VWA3B: variants seen among roughly 807,000 people sequenced by gnomAD.
The protein encoded by VWA3B is von Willebrand factor A domain containing 3B.
A neutral mutation model predicts 158.3 loss-of-function variants in VWA3B; 138 were observed. That is an observed-to-expected ratio of 0.87 (90% CI 0.76 to 1.00). VWA3B has a LOEUF of 1.00. Ranked by LOEUF, VWA3B falls within the 50% of genes least tolerant of loss-of-function variation. VWA3B has a pLI of 0.00. For synonymous variants in VWA3B, 596 were observed against 587.3 expected (o/e 1.01, Z -0.21); for missense variants, 1,555 against 1,565.1 (o/e 0.99, Z 0.11).
At chr2:98,096,960 A>G (rs1682759011) in intron 2 of VWA3B, among the ~76,000 whole-genome samples, 1 of 152,056 alleles carries the variant, frequency 6.6e-6, no homozygotes, top group Non-Finnish European at 1.5e-5. Context: ...TTTGAGATAT[A>G]TTTGAGATAT....
chr2:98,316,966 C>T (rs532988597), downstream of VWA3B, among the ~76,000 whole-genome samples: 20 of 152,298 alleles, frequency 1.3e-4, no homozygotes, highest in African/African-American at 4.6e-4. Flanking sequence ...AATTAAACCT[C>T]TTTTCTTTAT....
At chr2:98,121,729 C>T (rs114085316) in intron 5 of VWA3B, among the ~76,000 whole-genome samples, 1,553 of 151,980 alleles carry the variant, frequency 0.01, 40 homozygotes, top group African/African-American at 0.036. Context: ...TCGGGAGAGC[C>T]GAGTGCGACT....
At chr2:98,186,966 C>T (rs1049696930) in intron 9 of VWA3B, among the ~76,000 whole-genome samples, 2 of 151,952 alleles carry the variant, frequency 1.3e-5, no homozygotes, top group Non-Finnish European at 2.9e-5. Flanking sequence ...CTCACTCTCT[C>T]TTCCCTCTCT....
chr2:98,283,516 A>G (rs1003162636), intron 22 of VWA3B, among the ~76,000 whole-genome samples: 5 of 152,240 alleles, frequency 3.3e-5, no homozygotes, highest in Non-Finnish European at 7.3e-5. Context: ...AATTCTATCC[A>G]TTATTAGAAC....
At chr2:98,140,890 C>T (rs1240767074) in intron 7 of VWA3B, among the ~76,000 whole-genome samples, 1 of 152,212 alleles carries the variant, frequency 6.6e-6, no homozygotes, top group African/African-American at 2.4e-5. Flanking sequence ...GACTGGGCAG[C>T]ATTTTCCCCA....
At chr2:98,194,514 G>C (rs1349902184) in intron 12 of VWA3B, 22 bp downstream of exon 12, 2 of 1,611,744 alleles carry the variant, frequency 1.2e-6, no homozygotes, top group African/African-American at 2.7e-5. Flanking sequence ...ACTAAGCTGG[G>C]AGAAGCATCC....
intron 19 of VWA3B, among the ~76,000 whole-genome samples, chr2:98,240,789 A>G (rs961282037): frequency 6.6e-6 from 1 of 152,174 alleles, no homozygotes; most frequent in African/African-American, 2.4e-5. Context: ...TGTATGTGAT[A>G]TATCCATACT....
intron 23 of VWA3B, among the ~76,000 whole-genome samples, chr2:98,294,156 C>T (rs546066871): frequency 7.5e-6 from 1 of 134,038 alleles, no homozygotes; most frequent in Admixed American, 8.3e-5. Context: ...ATTTAGATCA[C>T]CTGTTCACTG....
intron 10 of VWA3B, among the ~76,000 whole-genome samples, chr2:98,189,549 T>C (rs1344896365): frequency 6.6e-6 from 1 of 152,180 alleles, no homozygotes; most frequent in Non-Finnish European, 1.5e-5. Context: ...AAAAATATGG[T>C]TTTGTTGGGT....
chr2:98,272,113 G>A (rs1688238000), intron 22 of VWA3B, among the ~76,000 whole-genome samples: 1 of 152,214 alleles, frequency 6.6e-6, no homozygotes, highest in Non-Finnish European at 1.5e-5. Flanking sequence ...CCTACCTAGA[G>A]ATGACATCAG....
chr2:98,215,733 G>A (rs1196956908), intron 13 of VWA3B, among the ~76,000 whole-genome samples: 1 of 152,026 alleles, frequency 6.6e-6, no homozygotes, highest in African/African-American at 2.4e-5. Flanking sequence ...AGCCAGAATG[G>A]TCTTGATCTC....
intron 2 of VWA3B, among the ~76,000 whole-genome samples, chr2:98,110,027 G>T (rs1444240080): frequency 2.0e-5 from 3 of 149,870 alleles, no homozygotes; most frequent in African/African-American, 7.3e-5. Context: ...GTTGCTTTAT[G>T]TTTTTTGTTT....
intron 22 of VWA3B, among the ~76,000 whole-genome samples, chr2:98,276,761 G>A (rs1420932659): frequency 6.6e-6 from 1 of 152,038 alleles, no homozygotes; most frequent in African/African-American, 2.4e-5. Context: ...TTTGGAATGG[G>A]CTGCCCATGT....
intron 22 of VWA3B, among the ~76,000 whole-genome samples, chr2:98,277,753 TAGG>T (rs756594272): frequency 6.6e-6 from 1 of 152,024 alleles, no homozygotes; most frequent in African/African-American, 2.4e-5. Context: ...GAGGTGGAAT[TAGG>T]AGAAGGAAGA....
intron 26 of VWA3B, among the ~76,000 whole-genome samples, chr2:98,307,561 C>T (rs1193588965): frequency 6.6e-6 from 1 of 152,188 alleles, no homozygotes; most frequent in Non-Finnish European, 1.5e-5. Flanking sequence ...GAGCTAAGAA[C>T]ATAAAGTACA....
At chr2:98,158,327 A>G (rs1422931317) in intron 7 of VWA3B, among the ~76,000 whole-genome samples, 1 of 152,208 alleles carries the variant, frequency 6.6e-6, no homozygotes, top group African/African-American at 2.4e-5. Context: ...ACACACACAC[A>G]GCAAGTGCCC....
intron 7 of VWA3B, among the ~76,000 whole-genome samples, chr2:98,143,149 C>T (rs780192543): frequency 6.6e-5 from 10 of 152,088 alleles, no homozygotes; most frequent in Non-Finnish European, 1.3e-4. Flanking sequence ...AAGTGATTCT[C>T]CTGCCTCAGT....
chr2:98,119,366 G>A (rs1190234652), intron 3 of VWA3B, 147 bp from the exon 4 acceptor site: 1 of 880,082 alleles, frequency 1.1e-6, no homozygotes, highest in African/African-American at 1.7e-5. Flanking sequence ...TCTGTTGAAA[G>A]ACTGGAACCT....
At chr2:98,270,935 C>A in intron 22 of VWA3B, 52 bp downstream of exon 22, 3 of 1,566,386 alleles carry the variant, frequency 1.9e-6, no homozygotes, top group South Asian at 1.1e-5. Context: ...TATCCCAAGT[C>A]ATTGCCATTC....
Sources: allele counts gnomAD v4.1 joint callset (sites outside exome capture counted in the v4.1 genomes callset), GRCh38; gene constraint gnomAD v4.1.1; transcripts MANE v1.5; gene names NCBI Gene and HGNC (gene_info 2026-07-23, HGNC 2026-07-21).